Variants in C14orf39 observed in about 807,000 individuals in gnomAD.
C14orf39 encodes the protein chromosome 14 open reading frame 39.
A neutral mutation model predicts 85.6 loss-of-function variants in C14orf39; 66 were observed. The ratio of observed to expected loss-of-function variants is 0.77; its 90% confidence interval spans 0.63 to 0.95. The LOEUF is 0.95. C14orf39 is among the 40% of genes least tolerant of loss of function. C14orf39 has a pLI of 0.00. For missense variants in C14orf39, 735 were observed against 663.9 expected, an observed-to-expected ratio of 1.11 and a Z score of -1.18; for synonymous variants, 242 against 214.0, an observed-to-expected ratio of 1.13 and a Z score of -1.14.
intron 5 of C14orf39, among the ~76,000 whole-genome samples, chr14:60,476,639 T>C (rs994523971): frequency 1.3e-5 from 2 of 152,226 alleles, no homozygotes; most frequent in Non-Finnish European, 2.9e-5. Flanking sequence ...GAGAAGTACA[T>C]ATTTTAACTG....
intron 1 of C14orf39, among the ~76,000 whole-genome samples, chr14:60,506,425 C>T (rs778357673): frequency 1.2e-4 from 19 of 152,290 alleles, no homozygotes; most frequent in Non-Finnish European, 2.2e-4. Flanking sequence ...GAGAAGTACA[C>T]CTTAAAGGTG....
intron 4 of C14orf39, among the ~76,000 whole-genome samples, chr14:60,480,603 G>A (rs1025381788): frequency 6.6e-6 from 1 of 152,126 alleles, no homozygotes; most frequent in African/African-American, 2.4e-5. Flanking sequence ...CCACTTTTGA[G>A]TATTCGTCCA....
intron 1 of C14orf39, among the ~76,000 whole-genome samples, chr14:60,514,948 GC>G (rs1266745378): frequency 6.6e-6 from 1 of 152,186 alleles, no homozygotes; most frequent in Non-Finnish European, 1.5e-5. Flanking sequence ...GCTAATGACG[GC>G]GGCCGGGCGC....
At chr14:60,493,558 G>A (rs931842237) in intron 2 of C14orf39, among the ~76,000 whole-genome samples, 3 of 152,112 alleles carry the variant, frequency 2.0e-5, no homozygotes, top group African/African-American at 7.2e-5. Context: ...AAGAGGCAAA[G>A]CTACTTTCAA....
chr14:60,437,922 T>C (rs554576248), intron 17 of C14orf39, among the ~76,000 whole-genome samples: 1 of 151,646 alleles, frequency 6.6e-6, no homozygotes, highest in Non-Finnish European at 1.5e-5. Context: ...AAATACTGTT[T>C]TTCACTTATT....
At chr14:60,442,951 G>A (rs1890590294) in intron 16 of C14orf39, among the ~76,000 whole-genome samples, 2 of 152,030 alleles carry the variant, frequency 1.3e-5, no homozygotes, top group East Asian at 1.9e-4. Flanking sequence ...ATAGTCTAGA[G>A]ACGTTAATTA....
chr14:60,457,873 G>C (rs1396016299), intron 14 of C14orf39, among the ~76,000 whole-genome samples: 1 of 151,772 alleles, frequency 6.6e-6, no homozygotes, highest in Non-Finnish European at 1.5e-5. Context: ...TTGTCGTGGC[G>C]AATCATTCAA....
In C14orf39 at chr14:60,484,976, T is replaced by C. The variant is rs1171581316; in HGVS notation, c.50-39A>G. 1 of 1,581,776 alleles carries C rather than the reference T, an allele frequency of 6.3e-7. No individual in the cohort carries two copies. Among genetic ancestry groups the C allele is most frequent in the Non-Finnish European group, 8.6e-7 (1 of 1,165,444 alleles). On this transcript the variant is annotated intron_variant, in intron 2 of 17. Transcript: ENST00000321731. The surrounding 1 kb of genome is among the most constrained non-coding windows in gnomAD (Gnocchi z 4.2). Reference sequence around the variant, plus strand: ...TTATCTTGTGACTTCAATTCATTGTTAAAATATCAAATGATCATACAAAAA... The same window carrying C: ...TTATCTTGTGACTTCAATTCATTGTCAAAATATCAAATGATCATACAAAAA...
Position 60,511,936 on chromosome 14 carries a change from C to T in C14orf39, c.-144+3459G>A, listed in dbSNP as rs564056693. On this transcript the variant is annotated intron_variant, in intron 1 of 5. Coordinates refer to the C14orf39 transcript ENST00000556799. ...TATATATCTTTTGCCTTCTTTGGTG[C>T]TTCCTGGTATATGTTTTAAACAACC... is the stretch of plus-strand genomic sequence containing the variant. 1.9e-5 allele frequency: 3 copies of T among 155,414 alleles called. No homozygotes were observed. In the East Asian group the frequency reaches 5.7e-4, roughly 30 times the overall value. The allele number at this position is 155,414 out of a possible 1,614,324, so 9.6% of individuals were successfully genotyped here.
rs191620067 is a variant in C14orf39 at position 60,440,024 on chromosome 14, G to A, written c.1561+2050C>T. On this transcript the variant is annotated intron_variant, in intron 17 of 17. Coordinates refer to ENST00000321731, the MANE Select transcript of C14orf39 (RefSeq NM_174978.3). ...CAGGAGGCGGAGGTTGCCGTGAGCC[G>A]AGATAGTGCTATTGCACTCCAGCCT... 2.2e-3 allele frequency among the ~76,000 whole-genome samples: 333 copies of A among 152,206 alleles called. 1 individual carries two copies. Among genetic ancestry groups the A allele is most frequent in the Non-Finnish European group, 3.4e-3 (229 of 67,994 alleles).
intron 16 of C14orf39, among the ~76,000 whole-genome samples, chr14:60,452,451 T>G (rs1891080716): frequency 6.6e-6 from 1 of 151,248 alleles, no homozygotes. Flanking sequence ...TAAGAACAAT[T>G]GAACTCATGG....
At chr14:60,451,815 AC>A (rs1305822493) in intron 16 of C14orf39, among the ~76,000 whole-genome samples, 7 of 152,190 alleles carry the variant, frequency 4.6e-5, no homozygotes, top group African/African-American at 1.7e-4. Flanking sequence ...GTGCACATGT[AC>A]CCTAGAACTT....
intron 10 of C14orf39, among the ~76,000 whole-genome samples, chr14:60,466,260 A>T (rs1460612806): frequency 2.0e-5 from 3 of 152,012 alleles, no homozygotes; most frequent in African/African-American, 7.2e-5. Context: ...AGATGAAATG[A>T]CAAAAGGCCA....
chr14:60,449,622 A>G (rs1037963191), intron 16 of C14orf39, among the ~76,000 whole-genome samples: 1 of 152,150 alleles, frequency 6.6e-6, no homozygotes. Flanking sequence ...TCCTAATATA[A>G]GGATTTTGTC....
intron 11 of C14orf39, 95 bp from the exon 12 acceptor site, chr14:60,461,688 A>G: frequency 1.6e-6 from 1 of 617,930 alleles, no homozygotes; most frequent in South Asian, 2.8e-5. Context: ...TTTCATTAGT[A>G]TTTCATCCTT....
chr14:60,476,801 G>T (rs1892399039), intron 5 of C14orf39, among the ~76,000 whole-genome samples: 1 of 152,072 alleles, frequency 6.6e-6, no homozygotes, highest in Admixed American at 6.5e-5. Context: ...CCCTTTAGAG[G>T]ACCCAGAGGA....
chr14:60,444,224 C>T (rs1001285443), intron 16 of C14orf39, among the ~76,000 whole-genome samples: 18 of 152,140 alleles, frequency 1.2e-4, no homozygotes, highest in Admixed American at 6.6e-5. Flanking sequence ...ATGCAGGCTT[C>T]AGAAGGTCGG....
intron 4 of C14orf39, among the ~76,000 whole-genome samples, chr14:60,480,397 C>T (rs1892581648): frequency 6.6e-6 from 1 of 152,076 alleles, no homozygotes; most frequent in African/African-American, 2.4e-5. Flanking sequence ...CATTGCACTC[C>T]AGCCTGGGTG....
chr14:60,490,089 A>G (rs1189396039), upstream of C14orf39, among the ~76,000 whole-genome samples: 1 of 152,088 alleles, frequency 6.6e-6, no homozygotes, highest in Non-Finnish European at 1.5e-5. Flanking sequence ...CTTCTCTTTC[A>G]GCCTCCTCTC....
Sources: gnomAD v4.1 joint callset for allele counts (sites outside exome capture counted in the v4.1 genomes callset) on GRCh38, gnomAD v4.1.1 for gene constraint, Gnocchi (gnomAD v3.1) non-coding constraint, MANE v1.5 for transcripts, NCBI Gene and HGNC (gene_info 2026-07-23, HGNC 2026-07-21) for gene names.